TOPAZ1: variants seen among roughly 807,000 people sequenced by gnomAD.
TOPAZ1 encodes the protein protein TOPAZ1.
Under a neutral mutation model 172.2 loss-of-function variants are expected in TOPAZ1, and 66 were observed. The observed-to-expected ratio is 0.38, with a 90% CI of 0.31 to 0.47. TOPAZ1 has a LOEUF of 0.47. Ranked by LOEUF, TOPAZ1 falls within the 20% of genes least tolerant of loss-of-function variation. The probability of loss-of-function intolerance (pLI) is 0.99; values close to 1 mark genes in which losing one functional copy is unlikely to be tolerated. For missense variants in TOPAZ1, 1,822 were observed against 1,972.4 expected (o/e 0.92, Z 1.44); for synonymous variants, 681 against 683.9 (o/e 1.00, Z 0.07).
chr3:44,305,231 C>T lies in TOPAZ1; in HGVS notation c.3949C>T (p.Gln1317Ter). The T allele has an allele frequency of 6.5e-7, 1 of 1,548,528 alleles. No individual in the cohort carries two copies. The highest frequency in any genetic ancestry group is 8.7e-7 in the Non-Finnish European group (1 of 1,146,052). ...GGGCTGTGAAAAATTTGCAGATTTCCAGACATTTTGTGCTTGCATTGCTGA... is the reference window on the plus strand; with the variant it reads ...GGGCTGTGAAAAATTTGCAGATTTCTAGACATTTTGTGCTTGCATTGCTGA... Reference protein sequence around the residue: ...KMGCEKFADFQTFCACIAETL... With the variant: ...KMGCEKFADF The change falls in exon 14 of 20, where the codon CAG becomes TAG. Residue 1317 changes from glutamine (Q) to a stop codon, truncating the protein, a stop_gained. Coordinates refer to ENST00000309765, the MANE Select transcript of TOPAZ1 (RefSeq NM_001145030.2). LOFTEE classifies it high-confidence loss of function.
downstream of TOPAZ1, chr3:44,332,111 A>G: frequency 1.3e-6 from 1 of 768,390 alleles, no homozygotes; most frequent in Non-Finnish European, 2.0e-6. Flanking sequence ...CAGCTCTTTG[A>G]CTTTATTGAC....
chr3:44,284,090 T>C (rs7641332), intron 9 of TOPAZ1, among the ~76,000 whole-genome samples: 72,543 of 151,956 alleles, frequency 0.48, 18,197 homozygotes, highest in East Asian at 0.81. Flanking sequence ...CCGTCTGTCT[T>C]GGACATTTTG....
chr3:44,309,341 A>G (rs376088623), intron 15 of TOPAZ1, among the ~76,000 whole-genome samples: 10 of 152,288 alleles, frequency 6.6e-5, no homozygotes, highest in African/African-American at 2.4e-4. Context: ...GCTGATCTCA[A>G]ACTTCTGGGT....
At chr3:44,312,856 C>T (rs1420635548) in intron 16 of TOPAZ1, among the ~76,000 whole-genome samples, 1 of 152,044 alleles carries the variant, frequency 6.6e-6, no homozygotes, top group Non-Finnish European at 1.5e-5. Context: ...AACTTATTGC[C>T]TTTGTATAAG....
intron 16 of TOPAZ1, among the ~76,000 whole-genome samples, chr3:44,311,070 A>G (rs1700392553): frequency 6.6e-6 from 1 of 152,240 alleles, no homozygotes; most frequent in Non-Finnish European, 1.5e-5. Flanking sequence ...AGATGGAATC[A>G]ATAAATAAAG....
At position 44,257,469 on chromosome 3, in the gene TOPAZ1, AGTGTGTGTGTGT is replaced by A. The variant is rs10523650; in HGVS notation, c.2955+1221_2955+1232del. The stretch of plus-strand genomic sequence containing the variant: ...GTGTATCTATTTTATATATATATAT[AGTGTGTGTGTGT>A]GTGTGTGTGTGTGTGTGTGTGTGTG... On this transcript the variant is annotated intron_variant, in intron 4 of 19. Coordinates refer to ENST00000309765, the MANE Select transcript of TOPAZ1 (RefSeq NM_001145030.2). Among the ~76,000 whole-genome samples, 1,003 of 113,836 alleles carry A rather than the reference AGTGTGTGTGTGT, an allele frequency of 8.8e-3. 6 individuals carry two copies. Among genetic ancestry groups the A allele is most frequent in the African/African-American group, 0.034 (944 of 27,656 alleles). 74.7% of individuals were successfully genotyped at this position (113,836 alleles called of 152,430 possible).
intron 8 of TOPAZ1, among the ~76,000 whole-genome samples, chr3:44,280,139 G>A (rs1225088450): frequency 6.6e-6 from 1 of 152,092 alleles, no homozygotes; most frequent in Non-Finnish European, 1.5e-5. Context: ...ACTTTGCTGA[G>A]TATAATATCC....
At chr3:44,324,705 C>T (rs917091320) in intron 18 of TOPAZ1, among the ~76,000 whole-genome samples, 1 of 152,032 alleles carries the variant, frequency 6.6e-6, no homozygotes, top group Non-Finnish European at 1.5e-5. Context: ...GTATACAAGT[C>T]AGTGGTTTTA....
At chr3:44,256,801 A>G (rs1018601390) in intron 4 of TOPAZ1, among the ~76,000 whole-genome samples, 3 of 152,138 alleles carry the variant, frequency 2.0e-5, no homozygotes, top group Admixed American at 6.5e-5. Flanking sequence ...CTGGCCCCCA[A>G]ATTTGGGAAT....
At chr3:44,293,024 C>G (rs1168143061) in intron 12 of TOPAZ1, among the ~76,000 whole-genome samples, 1 of 152,058 alleles carries the variant, frequency 6.6e-6, no homozygotes, top group Non-Finnish European at 1.5e-5. Context: ...AATGATGGAC[C>G]ACATATACCA....
chr3:44,323,350 C>T lies in TOPAZ1; in HGVS notation c.4675+55C>T, dbSNP rs1034688769. The stretch of plus-strand genomic sequence containing the variant: ...TTGGTTTATAATTGTATTCTCTAAC[C>T]CAGAATTTATAATATATAAGATTAG... On this transcript the variant is annotated intron_variant, in intron 18 of 19. Transcript: ENST00000309765. The T allele has an allele frequency of 2.5e-5, 28 of 1,116,918 alleles. No homozygotes were observed. In the Admixed American group the frequency reaches 2.8e-4, roughly 11 times the overall value. The allele number at this position is 1,116,918 out of a possible 1,614,324, so 69.2% of individuals were successfully genotyped here.
chr3:44,314,006 G>A (rs754481620), intron 16 of TOPAZ1, among the ~76,000 whole-genome samples: 2 of 152,084 alleles, frequency 1.3e-5, no homozygotes, highest in Non-Finnish European at 1.5e-5. Context: ...GTTTGATAGG[G>A]CAAAAGTTAT....
At chr3:44,256,124 C>A (rs539696002) in intron 3 of TOPAZ1, 27 bp from the exon 4 acceptor site, 19 of 1,465,228 alleles carry the variant, frequency 1.3e-5, no homozygotes, top group Middle Eastern at 1.8e-4. Context: ...TTTAAAGTTT[C>A]TATAGTTGAA....
chr3:44,297,446 T>A (rs1371558170), intron 12 of TOPAZ1, among the ~76,000 whole-genome samples: 3 of 152,202 alleles, frequency 2.0e-5, no homozygotes, highest in Non-Finnish European at 4.4e-5. Context: ...TATCCATGCA[T>A]TATTTTTAAA....
At chr3:44,247,392 T>C (rs1699578575) in intron 2 of TOPAZ1, among the ~76,000 whole-genome samples, 1 of 152,256 alleles carries the variant, frequency 6.6e-6, no homozygotes, top group Non-Finnish European at 1.5e-5. Flanking sequence ...GAGTTTTAGC[T>C]TCACTTATAA....
chr3:44,307,018 G>GT lies in TOPAZ1; in HGVS notation c.4140+599dup, dbSNP rs764652071. ...CAAGACACATTTCTTTGTTTGTGGG[G>GT]TTTTTTTGTTTGTTTGTTTTTGTGA... On this transcript the variant is annotated intron_variant, in intron 15 of 19. Transcript: ENST00000309765. 2.3e-3 allele frequency among the ~76,000 whole-genome samples: 353 copies of GT among 151,988 alleles called. 1 individual carries two copies. The highest frequency in any genetic ancestry group is 4.9e-3 in the Admixed American group (75 of 15,264).
intron 9 of TOPAZ1, among the ~76,000 whole-genome samples, chr3:44,286,234 T>C (rs1158360486): frequency 6.6e-6 from 1 of 152,008 alleles, no homozygotes; most frequent in Non-Finnish European, 1.5e-5. Flanking sequence ...AATAACTTAA[T>C]GACAAAAAGG....
At chr3:44,264,944 C>G (rs1344593866) in intron 5 of TOPAZ1, among the ~76,000 whole-genome samples, 1 of 152,200 alleles carries the variant, frequency 6.6e-6, no homozygotes, top group Non-Finnish European at 1.5e-5. Flanking sequence ...AGTTTTCTTG[C>G]TATGTCCTCC....
At chr3:44,336,112 G>A (rs114378598), downstream of TOPAZ1, among the ~76,000 whole-genome samples, 1,739 of 152,330 alleles carry the variant, frequency 0.011, 36 homozygotes, top group African/African-American at 0.04. Context: ...GTCTGGAACA[G>A]CCTGGTTAGG....
Sources: gnomAD v4.1 joint callset for allele counts (sites outside exome capture counted in the v4.1 genomes callset) on GRCh38, gnomAD v4.1.1 for gene constraint, MANE v1.5 for transcripts, NCBI Gene and HGNC (gene_info 2026-07-23, HGNC 2026-07-21) for gene names.